AKAIN1: variants seen among roughly 807,000 people sequenced by gnomAD.
AKAIN1 encodes the protein A-kinase anchor inhibitor 1, also known as A-kinase anchor protein inhibitor 1.
Under a neutral mutation model 3.7 loss-of-function variants are expected in AKAIN1, and 3 were observed. The observed-to-expected ratio is 0.82, with a 90% CI of 0.37 to 2.12. AKAIN1 has a LOEUF of 2.12. AKAIN1 is among the 30% of genes most tolerant of loss of function. The probability of loss-of-function intolerance (pLI) is 0.06; values close to 1 mark genes in which losing one functional copy is unlikely to be tolerated. For missense variants in AKAIN1, 82 were observed against 82.7 expected, an observed-to-expected ratio of 0.99 and a Z score of 0.03; for synonymous variants, 31 against 30.8, an observed-to-expected ratio of 1.01 and a Z score of -0.02.
intron 1 of AKAIN1, among the ~76,000 whole-genome samples, chr18:5,185,067 AC>A (rs2071279215): frequency 6.6e-6 from 1 of 152,142 alleles, no homozygotes; most frequent in African/African-American, 2.4e-5. Flanking sequence ...CTGATCTTCA[AC>A]AAAGTTGACA....
At chr18:5,175,057 G>T (rs543422508) in intron 1 of AKAIN1, among the ~76,000 whole-genome samples, 5 of 152,222 alleles carry the variant, frequency 3.3e-5, no homozygotes. Context: ...TCTGTGCTTG[G>T]TTTAATGTTC....
At chr18:5,158,481 C>A (rs75728367) in intron 1 of AKAIN1, among the ~76,000 whole-genome samples, 4,198 of 152,294 alleles carry the variant, frequency 0.028, 202 homozygotes, top group East Asian at 0.2. Flanking sequence ...ACACCCAGTT[C>A]ATCTCTGCCA....
rs1037507241 is a variant in AKAIN1, at chr18:5,197,200, C to T, written c.-147G>A. The T allele has an allele frequency of 2.6e-5, 38 of 1,439,700 alleles. No homozygotes were observed. The Admixed American group carries it at 9.5e-4, about 36-fold the overall frequency. 89.2% of individuals were successfully genotyped at this position (1,439,700 alleles called of 1,614,324 possible). A position where few individuals can be genotyped will look rare whatever the true frequency, so the allele number is the denominator to read the frequency against. Reference sequence around the variant, plus strand: ...GGCGGTCAGCACCCCGGACAGCTCCCGCCGCTAGATCCTGGGGCCGCAGCT... The same window carrying T: ...GGCGGTCAGCACCCCGGACAGCTCCTGCCGCTAGATCCTGGGGCCGCAGCT... On this transcript the variant is annotated 5_prime_UTR_variant, in exon 1 of 2. Transcript: ENST00000434239. The surrounding 1 kb of genome is among the most constrained non-coding windows in gnomAD (Gnocchi z 6.9).
At chr18:5,163,031 T>A (rs1352391857) in intron 1 of AKAIN1, among the ~76,000 whole-genome samples, 2 of 151,984 alleles carry the variant, frequency 1.3e-5, no homozygotes, top group Non-Finnish European at 2.9e-5. Flanking sequence ...ATGTACATAT[T>A]TAGCCATGAC....
rs573214429 is a variant in AKAIN1, at chr18:5,155,502, G to A, written c.17-9747C>T. ...CCCTCCCCGAAAGTGTCCGTTTCTG[G>A]CCTCTCATCCGCGGCTGCACTGCCC... On this transcript the variant is annotated intron_variant, in intron 1 of 1. Coordinates refer to ENST00000434239, the MANE Select transcript of AKAIN1 (RefSeq NM_001145194.2). Among the ~76,000 whole-genome samples, 9 of 152,214 alleles carry A rather than the reference G, an allele frequency of 5.9e-5. No individual in the cohort carries two copies. The East Asian group carries it at 1.7e-3, about 29-fold the overall frequency.
At chr18:5,188,445 C>T (rs190047132) in intron 1 of AKAIN1, among the ~76,000 whole-genome samples, 3 of 152,160 alleles carry the variant, frequency 2.0e-5, no homozygotes, top group Non-Finnish European at 2.9e-5. Context: ...GCTGACACTT[C>T]CCCTAAACCT....
chr18:5,163,191 T>G (rs1323879443), intron 1 of AKAIN1, among the ~76,000 whole-genome samples: 1 of 148,574 alleles, frequency 6.7e-6, no homozygotes, highest in East Asian at 2.0e-4. Context: ...AGTCCCAAAG[T>G]GCAAGTCCCA....
chr18:5,193,977 T>C (rs1263758265), intron 1 of AKAIN1, among the ~76,000 whole-genome samples: 2 of 152,074 alleles, frequency 1.3e-5, no homozygotes, highest in Non-Finnish European at 2.9e-5. Flanking sequence ...CTACGTTCAG[T>C]TTATGGGGGT....
rs73943128 is a variant in AKAIN1, at chr18:5,160,284, G to A, written c.17-14529C>T. Among the ~76,000 whole-genome samples the A allele has an allele frequency of 5.9e-3, 893 of 152,188 alleles. 6 individuals are homozygous for A. The highest frequency in any genetic ancestry group is 0.02 in the African/African-American group (830 of 41,528). On this transcript the variant is annotated intron_variant, in intron 1 of 1. Coordinates refer to ENST00000434239, the MANE Select transcript of AKAIN1 (RefSeq NM_001145194.2). ...GTCATCATTTTAAAAGTTTCAACCTGGTAAGCATGCAATTATATTTCACGG... is the reference window on the plus strand; with the variant it reads ...GTCATCATTTTAAAAGTTTCAACCTAGTAAGCATGCAATTATATTTCACGG...
At chr18:5,175,688 C>T (rs11877860) in intron 1 of AKAIN1, among the ~76,000 whole-genome samples, 4,080 of 152,144 alleles carry the variant, frequency 0.027, 140 homozygotes, top group African/African-American at 0.069. Context: ...TAACCATGTA[C>T]GAGCTATGAA....
intron 1 of AKAIN1, among the ~76,000 whole-genome samples, chr18:5,182,933 G>A (rs2071266537): frequency 1.3e-5 from 2 of 152,012 alleles, no homozygotes; most frequent in South Asian, 4.2e-4. Flanking sequence ...AAAGGTGCTG[G>A]ACATACGGAA....
At chr18:5,153,733 G>C (rs2071091422) in intron 1 of AKAIN1, among the ~76,000 whole-genome samples, 1 of 152,182 alleles carries the variant, frequency 6.6e-6, no homozygotes, top group African/African-American at 2.4e-5. Context: ...TATAATGATG[G>C]ACACGTCATT....
chr18:5,197,192 A>G lies in AKAIN1; in HGVS notation c.-139T>C. 12 of 1,454,716 alleles carry G rather than the reference A, an allele frequency of 8.2e-6. No homozygotes were observed. Among genetic ancestry groups the G allele is most frequent in the Non-Finnish European group, 1.1e-5 (12 of 1,108,622 alleles). The allele number at this position is 1,454,716 out of a possible 1,614,324, so 90.1% of individuals were successfully genotyped here. On this transcript the variant is annotated 5_prime_UTR_variant, in exon 1 of 2. Transcript: ENST00000434239. This position sits in a 1 kb window ranked among gnomAD's most constrained non-coding sequence, Gnocchi z 6.9. ...GCGGGCGGGGCGGTCAGCACCCCGG[A>G]CAGCTCCCGCCGCTAGATCCTGGGG...
At chr18:5,172,412 C>G (rs1330962984) in intron 1 of AKAIN1, among the ~76,000 whole-genome samples, 1 of 151,874 alleles carries the variant, frequency 6.6e-6, no homozygotes, top group Non-Finnish European at 1.5e-5. Context: ...TCTCATGTAG[C>G]CCATAAATAT....
intron 1 of AKAIN1, among the ~76,000 whole-genome samples, chr18:5,181,205 CTGAT>C (rs1182675793): frequency 6.6e-6 from 1 of 152,002 alleles, no homozygotes; most frequent in African/African-American, 2.4e-5. Context: ...AGTAAGAGGA[CTGAT>C]TGAGACCAGG....
intron 1 of AKAIN1, among the ~76,000 whole-genome samples, chr18:5,196,654 A>T (rs944329841): frequency 9.9e-5 from 15 of 152,278 alleles, no homozygotes; most frequent in African/African-American, 3.1e-4. Context: ...GCAGTGAGGG[A>T]GATTCCCACG....
chr18:5,193,393 A>G (rs1235292841), intron 1 of AKAIN1, among the ~76,000 whole-genome samples: 1 of 152,212 alleles, frequency 6.6e-6, no homozygotes, highest in African/African-American at 2.4e-5. Context: ...AAGATAGACT[A>G]ATCCCTGAAT....
intron 1 of AKAIN1, among the ~76,000 whole-genome samples, chr18:5,181,841 G>A (rs1359182809): frequency 1.3e-5 from 2 of 152,044 alleles, no homozygotes; most frequent in Non-Finnish European, 2.9e-5. Context: ...ATCTGGCTCT[G>A]ATATAAGACC....
chr18:5,181,401 A>G (rs2071257745), intron 1 of AKAIN1, among the ~76,000 whole-genome samples: 1 of 152,160 alleles, frequency 6.6e-6, no homozygotes, highest in Admixed American at 6.6e-5. Context: ...GGAATATGGA[A>G]CAGCATTTTA....
Sources: gnomAD v4.1 joint callset for allele counts (sites outside exome capture counted in the v4.1 genomes callset) on GRCh38, gnomAD v4.1.1 for gene constraint, Gnocchi (gnomAD v3.1) non-coding constraint, MANE v1.5 for transcripts, NCBI Gene and HGNC (gene_info 2026-07-23, HGNC 2026-07-21) for gene names.